The following CPNE4 variants were observed in gnomAD, a reference collection of about 807,000 sequenced individuals.
CPNE4 encodes copine-4.
Under a neutral mutation model 67.9 loss-of-function variants are expected in CPNE4, and 25 were observed. That is an observed-to-expected ratio of 0.37 (90% CI 0.27 to 0.51). The LOEUF (loss-of-function observed/expected upper bound fraction) is 0.51. Ranked by LOEUF, CPNE4 falls within the 20% of genes least tolerant of loss-of-function variation. The pLI is 0.93. For missense variants in CPNE4, 464 were observed against 690.8 expected (o/e 0.67, Z 3.68); for synonymous variants, 242 against 244.9 (o/e 0.99, Z 0.11).
chr3:131,715,851 G>A (rs990875423), intron 3 of CPNE4, among the ~76,000 whole-genome samples: 7 of 152,154 alleles, frequency 4.6e-5, no homozygotes, highest in South Asian at 2.1e-4. Flanking sequence ...TCTCTTTGGC[G>A]TACCCACTAT....
At chr3:131,843,372 T>C (rs941755909) in intron 2 of CPNE4, among the ~76,000 whole-genome samples, 1 of 152,152 alleles carries the variant, frequency 6.6e-6, no homozygotes, top group Non-Finnish European at 1.5e-5. Context: ...CCCACACGTA[T>C]TATAGGAGCT....
chr3:132,024,309 C>T (rs1363216830), intron 1 of CPNE4, among the ~76,000 whole-genome samples: 1 of 152,114 alleles, frequency 6.6e-6, no homozygotes, highest in Admixed American at 6.6e-5. Context: ...GTCTCGAACT[C>T]CTGACCTCAA....
At chr3:131,799,037 C>T (rs1193024836) in intron 2 of CPNE4, among the ~76,000 whole-genome samples, 6 of 151,828 alleles carry the variant, frequency 4.0e-5, no homozygotes, top group African/African-American at 1.5e-4. Context: ...TTTTCAAACT[C>T]TCCTGACAAG....
chr3:131,852,006 G>A (rs2086259572), intron 2 of CPNE4, among the ~76,000 whole-genome samples: 1 of 152,048 alleles, frequency 6.6e-6, no homozygotes, highest in Admixed American at 6.6e-5. Context: ...ACCATGGGAA[G>A]CTGTAGGCAC....
intron 1 of CPNE4, among the ~76,000 whole-genome samples, chr3:131,925,914 A>T (rs991672271): frequency 1.0e-5 from 1 of 97,970 alleles, no homozygotes; most frequent in African/African-American, 2.8e-5. Flanking sequence ...GACATGAGAC[A>T]TATTTTCCAC....
At chr3:131,858,031 T>C (rs2086519813) in intron 2 of CPNE4, among the ~76,000 whole-genome samples, 1 of 152,120 alleles carries the variant, frequency 6.6e-6, no homozygotes, top group South Asian at 2.1e-4. Context: ...TAACCATATA[T>C]ATATTTCTTT....
At chr3:131,806,932 G>C (rs983468005) in intron 2 of CPNE4, among the ~76,000 whole-genome samples, 3 of 152,312 alleles carry the variant, frequency 2.0e-5, no homozygotes, top group African/African-American at 7.2e-5. Context: ...CTTAAACAGA[G>C]ACAGGAGGTA....
chr3:132,001,798 G>A (rs2073458091), intron 1 of CPNE4, among the ~76,000 whole-genome samples: 1 of 152,030 alleles, frequency 6.6e-6, no homozygotes, highest in African/African-American at 2.4e-5. Context: ...CTGAATTAAG[G>A]TCAAAATCCA....
intron 5 of CPNE4, among the ~76,000 whole-genome samples, chr3:131,687,183 T>C (rs1389591199): frequency 6.6e-6 from 1 of 152,224 alleles, no homozygotes; most frequent in Admixed American, 6.5e-5. Context: ...TATTTGTTTT[T>C]AGTGAGAGAG....
chr3:131,656,817 C>G (rs904694843), intron 7 of CPNE4, among the ~76,000 whole-genome samples: 2 of 152,126 alleles, frequency 1.3e-5, no homozygotes, highest in Non-Finnish European at 2.9e-5. Context: ...GTATGAACAA[C>G]GAAGTCTGAG....
At chr3:131,849,004 C>T (rs1281928517) in intron 2 of CPNE4, among the ~76,000 whole-genome samples, 1 of 145,432 alleles carries the variant, frequency 6.9e-6, no homozygotes, top group Non-Finnish European at 1.5e-5. Context: ...CATCCACCTC[C>T]TCTTTCTGTT....
intron 4 of CPNE4, among the ~76,000 whole-genome samples, chr3:131,699,518 T>G (rs2081241961): frequency 6.6e-6 from 1 of 152,196 alleles, no homozygotes; most frequent in Non-Finnish European, 1.5e-5. Context: ...AAAATTTTAA[T>G]TCTCAAAATA....
intron 2 of CPNE4, among the ~76,000 whole-genome samples, chr3:131,841,248 C>T (rs1371818920): frequency 6.6e-6 from 1 of 152,204 alleles, no homozygotes; most frequent in African/African-American, 2.4e-5. Context: ...TCCCCTTTCA[C>T]TGTCATGAGG....
At chr3:131,550,224 C>T (rs2107642746) in intron 13 of CPNE4, 144 bp from the exon 14 acceptor site, 1 of 812,004 alleles carries the variant, frequency 1.2e-6, no homozygotes, top group Non-Finnish European at 1.9e-6. Context: ...AAAGGAATAC[C>T]ACATTGCTAG....
chr3:131,863,397 C>T (rs1376073017), intron 2 of CPNE4, among the ~76,000 whole-genome samples: 2 of 152,202 alleles, frequency 1.3e-5, no homozygotes, highest in Non-Finnish European at 2.9e-5. Flanking sequence ...TAATGATCGC[C>T]ATTCTAACTG....
chr3:131,723,587 T>G lies in CPNE4; in HGVS notation c.219A>C (p.Pro73=), dbSNP rs2081937440. Residue 73 remains proline, a synonymous_variant, in exon 3 of 16, where the codon CCA becomes CCC. Transcript: ENST00000429747. ...RTEVIRTCIN[P]VYSKLFTVDF... ...CCACAGTAAACAGTTTTGAGTACAC[T>G]GGGTTTATGCAGGTGCGAATCACCT... 1 of 1,614,020 alleles carries G rather than the reference T, an allele frequency of 6.2e-7. No homozygotes were observed. Among genetic ancestry groups the G allele is most frequent in the African/African-American group, 1.3e-5 (1 of 74,928 alleles).
At chr3:131,974,840 T>A (rs60660910) in intron 1 of CPNE4, among the ~76,000 whole-genome samples, 369 of 152,196 alleles carry the variant, frequency 2.4e-3, no homozygotes, top group African/African-American at 8.5e-3. Flanking sequence ...AAACCCTGTC[T>A]CTACAAACAG....
At chr3:131,783,712 T>C (rs1194134974) in intron 2 of CPNE4, among the ~76,000 whole-genome samples, 1 of 152,086 alleles carries the variant, frequency 6.6e-6, no homozygotes, top group Admixed American at 6.6e-5. Flanking sequence ...GCCAGCACCA[T>C]CTGACTTCAA....
chr3:131,588,587 G>C (rs1008727203), intron 7 of CPNE4, among the ~76,000 whole-genome samples: 6 of 151,988 alleles, frequency 3.9e-5, no homozygotes, highest in African/African-American at 1.4e-4. Context: ...AATCTGACTT[G>C]GTAATCTGTT....
Sources: gnomAD v4.1 joint callset for allele counts (sites outside exome capture counted in the v4.1 genomes callset) on GRCh38, gnomAD v4.1.1 for gene constraint, MANE v1.5 for transcripts, NCBI Gene and HGNC (gene_info 2026-07-23, HGNC 2026-07-21) for gene names.